The following STRN3 variants were observed in gnomAD, a reference collection of about 807,000 sequenced individuals.
STRN3 encodes striatin 3.
A neutral mutation model predicts 95.6 loss-of-function variants in STRN3; 29 were observed. The ratio of observed to expected loss-of-function variants is 0.30; its 90% CI spans 0.23 to 0.41. The LOEUF (loss-of-function observed/expected upper bound fraction) is 0.41. STRN3 is among the 10% of genes least tolerant of loss of function. STRN3 has a pLI of 1.00. For missense variants in STRN3, 890 were observed against 972.1 expected, an observed-to-expected ratio of 0.92 and a Z score of 1.12; for synonymous variants, 331 against 357.6, an observed-to-expected ratio of 0.93 and a Z score of 0.84.
Position 30,929,317 on chromosome 14 carries a change from T to A in STRN3, c.989-6A>T. On this transcript the variant is annotated splice_region_variant and splice_polypyrimidine_tract_variant and intron_variant, in intron 7 of 17. Transcript: ENST00000357479. The stretch of plus-strand genomic sequence containing the variant: ...TGGGGAGAGGTCATCTTTATCTACA[T>A]GCAGCATATTATTAAAAGAAAAAAA... The A allele has an allele frequency of 6.2e-7, 1 of 1,609,582 alleles. No individual in the cohort carries two copies. The highest frequency in any genetic ancestry group is 8.5e-7 in the Non-Finnish European group (1 of 1,177,382).
At chr14:30,977,654 G>A (rs1881171525) in intron 1 of STRN3, among the ~76,000 whole-genome samples, 1 of 150,996 alleles carries the variant, frequency 6.6e-6, no homozygotes, top group Non-Finnish European at 1.5e-5. Flanking sequence ...TTAGCCAGGT[G>A]TGGTGGTGGG....
chr14:30,941,610 A>T lies in STRN3; in HGVS notation c.717-4986T>A, dbSNP rs75072147. 5.2e-3 allele frequency among the ~76,000 whole-genome samples: 792 copies of T among 151,958 alleles called. 3 individuals are homozygous for T. Among genetic ancestry groups the T allele is most frequent in the African/African-American group, 0.018 (736 of 41,430 alleles). The stretch of plus-strand genomic sequence containing the variant: ...CTTCACAAGATGAAAGAGAGGATTC[A>T]ACATTGTGCTTCTTAAACTTTTTTT... On this transcript the variant is annotated intron_variant, in intron 5 of 17. Coordinates refer to ENST00000357479, the MANE Select transcript of STRN3 (RefSeq NM_001083893.2).
chr14:30,943,682 C>A (rs1301362681), intron 5 of STRN3, among the ~76,000 whole-genome samples: 1 of 152,178 alleles, frequency 6.6e-6, no homozygotes, highest in Admixed American at 6.5e-5. Flanking sequence ...TATATGCATA[C>A]ATTGGAATAT....
At chr14:30,971,122 G>A (rs1039028406) in intron 1 of STRN3, among the ~76,000 whole-genome samples, 1 of 152,258 alleles carries the variant, frequency 6.6e-6, no homozygotes, top group African/African-American at 2.4e-5. Flanking sequence ...AAGGGATGAA[G>A]TGAGCTTAAG....
chr14:30,999,417 T>G (rs539860384), intron 1 of STRN3, among the ~76,000 whole-genome samples: 1 of 152,234 alleles, frequency 6.6e-6, no homozygotes, highest in Admixed American at 6.5e-5. Context: ...TCTAAAGAAC[T>G]AAAGGAAAAC....
intron 1 of STRN3, among the ~76,000 whole-genome samples, chr14:31,012,045 G>A (rs1882994869): frequency 6.6e-6 from 1 of 152,244 alleles, no homozygotes; most frequent in Non-Finnish European, 1.5e-5. Flanking sequence ...TCGCGCAACT[G>A]CGCTCCAGCA....
intron 1 of STRN3, among the ~76,000 whole-genome samples, chr14:30,983,206 A>G (rs1485102690): frequency 6.6e-6 from 1 of 152,120 alleles, no homozygotes; most frequent in Admixed American, 6.6e-5. Context: ...TAATACCTCA[A>G]GCTTGGAAGA....
intron 16 of STRN3, among the ~76,000 whole-genome samples, chr14:30,899,187 A>G (rs948986391): frequency 3.3e-5 from 5 of 152,220 alleles, no homozygotes; most frequent in African/African-American, 1.2e-4. Context: ...ATGAGTCCAC[A>G]GCTGATACAA....
chr14:30,976,043 A>G (rs537369952), intron 1 of STRN3, among the ~76,000 whole-genome samples: 2 of 152,322 alleles, frequency 1.3e-5, no homozygotes, highest in African/African-American at 4.8e-5. Context: ...GAAAAGAGTT[A>G]CCAACATGGT....
At chr14:30,967,620 G>A (rs936165922) in intron 1 of STRN3, among the ~76,000 whole-genome samples, 3 of 152,156 alleles carry the variant, frequency 2.0e-5, no homozygotes, top group Non-Finnish European at 2.9e-5. Context: ...TATCTGTAGC[G>A]GCAACTGCTT....
chr14:30,913,336 TA>T (rs200880015), intron 10 of STRN3, among the ~76,000 whole-genome samples, 187 bp downstream of exon 10: 3 of 148,810 alleles, frequency 2.0e-5, no homozygotes, highest in Non-Finnish European at 3.0e-5. Flanking sequence ...CCAAAATACC[TA>T]AAAAAAAAAT....
intron 1 of STRN3, among the ~76,000 whole-genome samples, chr14:31,017,694 G>A (rs1039406209): frequency 6.6e-6 from 1 of 152,118 alleles, no homozygotes; most frequent in African/African-American, 2.4e-5. Context: ...TTTGGGGTAG[G>A]AGACTACTTG....
At chr14:31,003,581 G>A (rs1594569807) in intron 1 of STRN3, among the ~76,000 whole-genome samples, 2 of 151,970 alleles carry the variant, frequency 1.3e-5, no homozygotes, top group South Asian at 2.1e-4. Context: ...TTGCTCTCTC[G>A]CCATGCAATC....
chr14:30,974,678 C>G (rs1181583996), intron 1 of STRN3, among the ~76,000 whole-genome samples: 3 of 151,558 alleles, frequency 2.0e-5, no homozygotes, highest in Non-Finnish European at 4.4e-5. Flanking sequence ...ATGGCACACG[C>G]CTGTAGTCTC....
At chr14:31,010,087 A>C (rs1882900427) in intron 1 of STRN3, among the ~76,000 whole-genome samples, 1 of 152,194 alleles carries the variant, frequency 6.6e-6, no homozygotes, top group South Asian at 2.1e-4. Flanking sequence ...AGCCTGGGTG[A>C]CGGTATGAGA....
chr14:30,927,474 C>G (rs1265916529), intron 8 of STRN3, among the ~76,000 whole-genome samples: 1 of 151,812 alleles, frequency 6.6e-6, no homozygotes, highest in African/African-American at 2.4e-5. Flanking sequence ...CACAGTCTAT[C>G]AGAGGGGGAA....
chr14:30,896,745 T>C (rs1411033185), intron 16 of STRN3, among the ~76,000 whole-genome samples: 1 of 152,174 alleles, frequency 6.6e-6, no homozygotes, highest in Admixed American at 6.5e-5. Flanking sequence ...TCATTTTACA[T>C]ACTCTAAAAA....
chr14:31,021,486 G>A (rs970626979), intron 1 of STRN3, among the ~76,000 whole-genome samples: 1 of 152,174 alleles, frequency 6.6e-6, no homozygotes, highest in Non-Finnish European at 1.5e-5. Flanking sequence ...CTGAAGCACT[G>A]AAATAACAAT....
chr14:30,933,280 TAAAAA>T (rs35736582), intron 7 of STRN3, among the ~76,000 whole-genome samples: 48 of 22,778 alleles, frequency 2.1e-3, no homozygotes, highest in African/African-American at 6.5e-3. Flanking sequence ...CCCTGTTTCA[TAAAAA>T]AAAAAAAAAA....
Sources: gnomAD v4.1 joint callset for allele counts (sites outside exome capture counted in the v4.1 genomes callset) on GRCh38, gnomAD v4.1.1 for gene constraint, MANE v1.5 for transcripts, NCBI Gene and HGNC (gene_info 2026-07-23, HGNC 2026-07-21) for gene names.